Variants in ZNF107 observed in about 807,000 individuals in gnomAD.
ZNF107 encodes zinc finger protein 107.
A neutral mutation model predicts 12.3 loss-of-function variants in ZNF107; 19 were observed. That is an observed-to-expected ratio of 1.55 (90% CI 1.08 to 2.27). The LOEUF (loss-of-function observed/expected upper bound fraction) is 2.27, where lower values mean the gene tolerates loss of function less well. Ranked by LOEUF, ZNF107 falls within the 30% of genes most tolerant of loss-of-function variation. The pLI, the probability that ZNF107 is intolerant of heterozygous loss-of-function variation, is 0.00. For missense variants in ZNF107, 958 were observed against 979.9 expected, an observed-to-expected ratio of 0.98 and a Z score of 0.30; for synonymous variants, 317 against 330.5, an observed-to-expected ratio of 0.96 and a Z score of 0.44.
rs1169435317 is a variant in ZNF107 at position 64,688,885 on chromosome 7, A to C, written c.4-2363A>C. ...CACACCCTATAGCTTAACAATGTTT[A>C]TCCAATCAATAATCAATCTTATTTT... On this transcript the variant is annotated intron_variant, in intron 1 of 3. Coordinates refer to ENST00000620827, the MANE Select transcript of ZNF107 (RefSeq NM_001282359.2). Among the ~76,000 whole-genome samples the C allele has an allele frequency of 2.0e-5, 3 of 152,196 alleles. No homozygotes were observed. In the East Asian group the frequency reaches 5.8e-4, roughly 29 times the overall value.
rs368921288 is a variant in ZNF107 at position 64,709,431 on chromosome 7, CATAAG to C, written c.*780_*784del. On this transcript the variant is annotated 3_prime_UTR_variant, in exon 4 of 4. Transcript: ENST00000620827. ...AAACCAATCCTCAAACCTCACTAAA[CATAAG>C]ATAATACTGAAAACTTTACAAACCT... 1.0e-3 allele frequency: 359 copies of C among 343,692 alleles called. 3 individuals are homozygous for C. The highest frequency in any genetic ancestry group is 6.7e-3 in the African/African-American group (306 of 45,846). The allele number at this position is 343,692 out of a possible 1,614,324, so 21.3% of individuals were successfully genotyped here. A position where few individuals can be genotyped will look rare whatever the true frequency, so the allele number is the denominator to read the frequency against.
chr7:64,695,945 G>A (rs1033852750), intron 3 of ZNF107, among the ~76,000 whole-genome samples: 20 of 152,044 alleles, frequency 1.3e-4, no homozygotes, highest in Admixed American at 9.2e-4. Context: ...ACATTTCAAG[G>A]CCAGGCATGG....
intron 1 of ZNF107, among the ~76,000 whole-genome samples, chr7:64,678,799 A>G (rs1378750300): frequency 6.6e-6 from 1 of 152,162 alleles, no homozygotes; most frequent in Non-Finnish European, 1.5e-5. Context: ...GCATGATTTT[A>G]GTGTCTTTTA....
At chr7:64,705,129 C>T (rs1172118217) in intron 3 of ZNF107, among the ~76,000 whole-genome samples, 1 of 152,166 alleles carries the variant, frequency 6.6e-6, no homozygotes, top group Non-Finnish European at 1.5e-5. Context: ...CACTGGCTAT[C>T]TTATAAGCCT....
In ZNF107 at chr7:64,709,311, G is replaced by T; in HGVS notation, c.*655G>T. The stretch of plus-strand genomic sequence containing the variant: ...AAACCCTACAAATGTAAAAAACGTG[G>T]CAATGCCTTTAACTGGTCCTCACAC... On this transcript the variant is annotated 3_prime_UTR_variant, in exon 4 of 4. Transcript: ENST00000620827. 1 of 339,260 alleles carries T rather than the reference G, an allele frequency of 2.9e-6. No individual in the cohort carries two copies. The highest frequency in any genetic ancestry group is 5.8e-6 in the Non-Finnish European group (1 of 173,302). The allele number at this position is 339,260 out of a possible 1,614,324, so 21.0% of individuals were successfully genotyped here.
chr7:64,699,827 G>A (rs991813095), intron 3 of ZNF107, among the ~76,000 whole-genome samples: 1 of 152,112 alleles, frequency 6.6e-6, no homozygotes, highest in Admixed American at 6.5e-5. Flanking sequence ...CCAGCACTTT[G>A]GGAGGCCGAG....
At position 64,708,695 on chromosome 7, in the gene ZNF107, C is replaced by T. The variant is rs771609011; in HGVS notation, c.*39C>T. 5 of 1,544,566 alleles carry T rather than the reference C, an allele frequency of 3.2e-6. No individual in the cohort carries two copies. Among genetic ancestry groups the T allele is most frequent in the Admixed American group, 2.0e-5 (1 of 50,592 alleles). On this transcript the variant is annotated 3_prime_UTR_variant, in exon 4 of 4. Coordinates refer to ENST00000620827, the MANE Select transcript of ZNF107 (RefSeq NM_001282359.2). ...CTTACTACACATAGGAAAATTCATACTGGAGAGAAACTACAAATGTGAAGA... is the reference window on the plus strand; with the variant it reads ...CTTACTACACATAGGAAAATTCATATTGGAGAGAAACTACAAATGTGAAGA...
At chr7:64,701,641 A>T (rs931570916) in intron 3 of ZNF107, among the ~76,000 whole-genome samples, 3 of 151,702 alleles carry the variant, frequency 2.0e-5, no homozygotes, top group Non-Finnish European at 4.4e-5. Context: ...CATATTTAAG[A>T]TAGGGTTTCA....
At chr7:64,700,246 A>T (rs1161138053) in intron 3 of ZNF107, among the ~76,000 whole-genome samples, 1 of 152,054 alleles carries the variant, frequency 6.6e-6, no homozygotes, top group Non-Finnish European at 1.5e-5. Flanking sequence ...CATGGGGCCA[A>T]CTTCCTCGTG....
chr7:64,687,200 T>C, intron 1 of ZNF107: 1 of 986,598 alleles, frequency 1.0e-6, no homozygotes, highest in Non-Finnish European at 1.2e-6. Context: ...TACTATCCCA[T>C]GGTGTCTGTT....
chr7:64,707,917 A>G lies in ZNF107; in HGVS notation c.1820A>G (p.His607Arg). The G allele has an allele frequency of 3.1e-6, 5 of 1,613,442 alleles. No homozygotes were observed. Among genetic ancestry groups the G allele is most frequent in the Non-Finnish European group, 4.2e-6 (5 of 1,179,732 alleles). Residue 607 changes from histidine (H) to arginine (R), a missense_variant, in exon 4 of 4, where the codon CAC becomes CGC. Physicochemically the swap from His to Arg is conservative, Grantham distance 29. Transcript: ENST00000620827. ...GGCAAGGCCTTTAAACAGTCCTCAC[A>G]CCGTACTATACATAAAATTATTCAT... ...EFGKAFKQSS[H>R]RTIHKIIHTG...
At chr7:64,677,559 T>C (rs1789465156) in intron 1 of ZNF107, among the ~76,000 whole-genome samples, 1 of 151,116 alleles carries the variant, frequency 6.6e-6, no homozygotes, top group East Asian at 2.0e-4. Context: ...AAAATTAAGA[T>C]GTCCAAGAGT....
At chr7:64,674,006 T>C (rs987109619) in intron 1 of ZNF107, among the ~76,000 whole-genome samples, 1 of 152,192 alleles carries the variant, frequency 6.6e-6, no homozygotes, top group African/African-American at 2.4e-5. Context: ...TTGGTTACTG[T>C]AGCCCTGAAG....
At chr7:64,701,590 CA>C (rs1790478856) in intron 3 of ZNF107, among the ~76,000 whole-genome samples, 1 of 151,868 alleles carries the variant, frequency 6.6e-6, no homozygotes, top group African/African-American at 2.4e-5. Context: ...TTAAGTCATT[CA>C]GGTATTTTCT....
intron 1 of ZNF107, among the ~76,000 whole-genome samples, chr7:64,671,538 A>C (rs141130599): frequency 1.4e-3 from 217 of 152,294 alleles, no homozygotes; most frequent in African/African-American, 4.8e-3. Context: ...CATGGACGCA[A>C]ATAAATCAGA....
chr7:64,703,549 C>T (rs921310277), intron 3 of ZNF107, among the ~76,000 whole-genome samples: 9 of 152,148 alleles, frequency 5.9e-5, no homozygotes, highest in African/African-American at 2.2e-4. Context: ...CCTATCTTAG[C>T]CTTCTGAGTA....
chr7:64,686,734 A>G, intron 1 of ZNF107: 1 of 887,908 alleles, frequency 1.1e-6, no homozygotes, highest in Non-Finnish European at 1.3e-6. Flanking sequence ...TGGTTGATCA[A>G]CTTCTTGAGT....
intron 1 of ZNF107, among the ~76,000 whole-genome samples, chr7:64,681,729 G>A (rs1789684330): frequency 6.6e-6 from 1 of 152,054 alleles, no homozygotes; most frequent in African/African-American, 2.4e-5. Flanking sequence ...TGGCCTCTTA[G>A]TACCCATTAA....
rs770511179 is a variant in ZNF107 at position 64,708,067 on chromosome 7, C to G, written c.1970C>G (p.Ala657Gly). The change falls in exon 4 of 4, where the codon GCT (alanine) becomes GGT (glycine). Residue 657 changes from alanine to glycine, a missense_variant. Ala to Gly is a moderately conservative substitution (Grantham distance 60). Coordinates refer to ENST00000620827, the MANE Select transcript of ZNF107 (RefSeq NM_001282359.2). ...NLYKFEEHGK[A>G]FNLFSNITNH... Reference sequence around the variant, plus strand: ...TACAAATTTGAAGAACATGGAAAAGCTTTTAACCTATTCTCAAACATTACT... The same window carrying G: ...TACAAATTTGAAGAACATGGAAAAGGTTTTAACCTATTCTCAAACATTACT... The G allele has an allele frequency of 6.8e-6, 11 of 1,613,444 alleles. No individual in the cohort carries two copies. The highest frequency in any genetic ancestry group is 8.5e-6 in the Non-Finnish European group (10 of 1,179,676).
Sources: allele counts gnomAD v4.1 joint callset (sites outside exome capture counted in the v4.1 genomes callset), GRCh38; gene constraint gnomAD v4.1.1; transcripts MANE v1.5; gene names NCBI Gene and HGNC (gene_info 2026-07-23, HGNC 2026-07-21).